The following CCDC66 variants were observed in gnomAD, a reference collection of about 807,000 sequenced individuals.
CCDC66 encodes coiled-coil domain-containing protein 66.
In CCDC66, 133 loss-of-function variants were observed where a neutral mutation model predicts 128.3. The observed-to-expected ratio is 1.04, with a 90% confidence interval of 0.90 to 1.20. The LOEUF (loss-of-function observed/expected upper bound fraction) is 1.20, where lower values mean the gene tolerates loss of function less well. CCDC66 is among the 50% of genes most tolerant of loss of function. CCDC66 has a pLI of 0.00. For synonymous variants in CCDC66, 387 were observed against 357.0 expected (o/e 1.08, Z -0.95); for missense variants, 1,126 against 1,075.5 (o/e 1.05, Z -0.66).
chr3:56,618,225 C>A lies in CCDC66; in HGVS notation c.2378+13C>A. The A allele has an allele frequency of 6.2e-7, 1 of 1,609,622 alleles. No individual in the cohort carries two copies. Among genetic ancestry groups the A allele is most frequent in the Non-Finnish European group, 8.5e-7 (1 of 1,176,296 alleles). ...TCAGCAAGGAAAGGTAAGTATGCAT[C>A]AGATTAATTCCGCAGCTACTTAATG... On this transcript the variant is annotated intron_variant, in intron 15 of 17. Coordinates refer to ENST00000394672, the MANE Select transcript of CCDC66 (RefSeq NM_001141947.3).
chr3:56,599,181 C>T (rs1269605162), intron 10 of CCDC66, among the ~76,000 whole-genome samples: 2 of 151,968 alleles, frequency 1.3e-5, no homozygotes, highest in African/African-American at 4.8e-5. Flanking sequence ...TCCATTTCTT[C>T]TAGATTTTCT....
chr3:56,593,063 C>G lies in CCDC66; in HGVS notation c.1030C>G (p.Arg344Gly). The G allele has an allele frequency of 1.9e-6, 3 of 1,603,396 alleles. No homozygotes were observed. The highest frequency in any genetic ancestry group is 1.7e-6 in the Non-Finnish European group (2 of 1,174,260). Residue 344 changes from arginine to glycine, a missense_variant, in exon 8 of 18, where the codon CGT (arginine) becomes GGT (glycine). By Grantham distance (125) the Arg-to-Gly change is moderately radical. Transcript: ENST00000394672. ...EELNKQIEDD[R>G]QRKIEEKIIY... Reference sequence around the variant, plus strand: ...GTTGAATAAGCAAATAGAAGATGACCGTCAAAGAAAAATAGAGGAAAAAAT... The same window carrying G: ...GTTGAATAAGCAAATAGAAGATGACGGTCAAAGAAAAATAGAGGAAAAAAT...
rs780618677 is a variant in CCDC66 at position 56,566,760 on chromosome 3, G to C, written c.710+1G>C. The C allele has an allele frequency of 3.1e-6, 5 of 1,608,820 alleles. No homozygotes were observed. The highest frequency in any genetic ancestry group is 3.4e-6 in the Non-Finnish European group (4 of 1,177,448). On this transcript the variant is annotated splice_donor_variant, in intron 5 of 17. Coordinates refer to ENST00000394672, the MANE Select transcript of CCDC66 (RefSeq NM_001141947.3). LOFTEE classifies it high-confidence loss of function. ...AACAGTGTGAGCAAAAAATTGCCAT[G>C]TATGTAACTCCTATCTGTTGTTATT...
At chr3:56,561,417 T>TAGGCC in intron 3 of CCDC66, 5 of 354,808 alleles carry the variant, frequency 1.4e-5, no homozygotes, top group South Asian at 1.1e-4. Flanking sequence ...GGACTTTTGA[T>TAGGCC]TACTAGACTT....
At chr3:56,563,506 A>G (rs1375407027) in intron 3 of CCDC66, 178 bp from the exon 4 acceptor site, 7 of 559,426 alleles carry the variant, frequency 1.3e-5, no homozygotes, top group Admixed American at 3.4e-5. Flanking sequence ...CTGAAGTAAG[A>G]TAATTTCTAG....
intron 7 of CCDC66, among the ~76,000 whole-genome samples, chr3:56,575,950 C>T (rs2067298702): frequency 6.6e-6 from 1 of 151,664 alleles, no homozygotes; most frequent in Admixed American, 6.6e-5. Context: ...ACTGCCTCAC[C>T]ATCAGGAACT....
chr3:56,561,077 A>T lies in CCDC66; in HGVS notation c.102+1483A>T, dbSNP rs1258796554. ...AATTGTTTCTCTTTCTCTATCATAT[A>T]GTTATATACCATGTATGCTCCCCAA... On this transcript the variant is annotated intron_variant, in intron 3 of 17. Coordinates refer to ENST00000394672, the MANE Select transcript of CCDC66 (RefSeq NM_001141947.3). 36 of 416,028 alleles carry T rather than the reference A, an allele frequency of 8.7e-5. No homozygotes were observed. In the East Asian group the frequency reaches 2.5e-3, roughly 29 times the overall value. The allele number at this position is 416,028 out of a possible 1,614,324, so 25.8% of individuals were successfully genotyped here.
At chr3:56,567,735 C>T (rs927625912) in intron 6 of CCDC66, among the ~76,000 whole-genome samples, 3 of 151,872 alleles carry the variant, frequency 2.0e-5, no homozygotes, top group Admixed American at 1.3e-4. Context: ...CTGTGTTGCC[C>T]AGGCTGGAGT....
At chr3:56,602,684 T>G (rs1047529108) in intron 10 of CCDC66, among the ~76,000 whole-genome samples, 14 of 152,028 alleles carry the variant, frequency 9.2e-5, no homozygotes, top group South Asian at 6.2e-4. Flanking sequence ...GGGATTCGTC[T>G]TCTTCTTGGT....
Position 56,567,060 on chromosome 3 carries a change from A to G in CCDC66, c.814+7A>G, listed in dbSNP as rs771082410. 21 of 1,592,280 alleles carry G rather than the reference A, an allele frequency of 1.3e-5. No homozygotes were observed. Among genetic ancestry groups the G allele is most frequent in the Non-Finnish European group, 1.7e-5 (20 of 1,160,458 alleles). On this transcript the variant is annotated splice_region_variant and intron_variant, in intron 6 of 17. Transcript: ENST00000394672. Reference sequence around the variant, plus strand: ...CAGTGGAGGAAAGAGCTAGGTAGGTAACTTTTATACCTTTATTATAGTTTT... The same window carrying G: ...CAGTGGAGGAAAGAGCTAGGTAGGTGACTTTTATACCTTTATTATAGTTTT...
At chr3:56,619,624 T>A in intron 16 of CCDC66, 97 bp downstream of exon 16, 1 of 1,491,838 alleles carries the variant, frequency 6.7e-7, no homozygotes, top group Non-Finnish European at 9.0e-7. Flanking sequence ...CTGCACTTAG[T>A]TCTATAAAGT....
intron 7 of CCDC66, among the ~76,000 whole-genome samples, chr3:56,582,290 C>T (rs889948465): frequency 1.3e-5 from 2 of 151,816 alleles, no homozygotes; most frequent in South Asian, 2.1e-4. Flanking sequence ...GGGAGTGTCC[C>T]GATTTTCCAG....
At chr3:56,590,066 C>T (rs1302260777) in intron 7 of CCDC66, among the ~76,000 whole-genome samples, 2 of 152,050 alleles carry the variant, frequency 1.3e-5, no homozygotes, top group Non-Finnish European at 1.5e-5. Flanking sequence ...TCCAGTGTCC[C>T]GACATCCCTA....
chr3:56,570,591 A>G (rs2066492665), intron 6 of CCDC66: 1 of 166,140 alleles, frequency 6.0e-6, no homozygotes, highest in Non-Finnish European at 1.3e-5. Context: ...CTCCACTAAA[A>G]TACAAAAATT....
chr3:56,588,342 T>C (rs978391189), intron 7 of CCDC66, among the ~76,000 whole-genome samples: 2 of 152,112 alleles, frequency 1.3e-5, no homozygotes, highest in Non-Finnish European at 2.9e-5. Context: ...AGACTACAAA[T>C]TGGATTCAGT....
chr3:56,558,904 C>T lies in CCDC66; in HGVS notation c.70C>T (p.Pro24Ser). The T allele has an allele frequency of 1.3e-6, 2 of 1,543,558 alleles. No homozygotes were observed. The highest frequency in any genetic ancestry group is 1.2e-5 in the South Asian group (1 of 83,404). Residue 24 changes from proline (P) to serine (S), a missense_variant, in exon 2 of 18, where the codon CCA (proline) becomes TCA (serine). Transcript: ENST00000394672. ...LDGKTKLILS[P>S]YEHKSKISVK... ...TGGAAAAACCAAGCTAATATTGTCT[C>T]CATATGGTATGTTGTGTTACAGAAA...
At chr3:56,563,613 C>T in intron 3 of CCDC66, 71 bp from the exon 4 acceptor site, 2 of 1,242,858 alleles carry the variant, frequency 1.6e-6, no homozygotes, top group South Asian at 3.2e-5. Flanking sequence ...TGATTTATCA[C>T]AGATCATATA....
chr3:56,560,333 G>C (rs2064929959), intron 3 of CCDC66, among the ~76,000 whole-genome samples: 1 of 152,178 alleles, frequency 6.6e-6, no homozygotes, highest in Non-Finnish European at 1.5e-5. Flanking sequence ...AGCCTCCTGA[G>C]TAGCTGGGAC....
chr3:56,584,460 C>T (rs1374992664), intron 7 of CCDC66, among the ~76,000 whole-genome samples: 5 of 150,898 alleles, frequency 3.3e-5, no homozygotes, highest in Non-Finnish European at 5.9e-5. Flanking sequence ...GACGGGGTCG[C>T]GGCCAGGCAG....
Sources: allele counts gnomAD v4.1 joint callset (sites outside exome capture counted in the v4.1 genomes callset), GRCh38; gene constraint gnomAD v4.1.1; transcripts MANE v1.5; gene names NCBI Gene and HGNC (gene_info 2026-07-23, HGNC 2026-07-21).